ANKS3: variants seen among roughly 807,000 people sequenced by gnomAD.
ANKS3 encodes the protein ankyrin repeat and SAM domain-containing protein 3.
ANKS3 carries 62 observed loss-of-function variants against 80.7 expected under a neutral mutation model. The ratio of observed to expected loss-of-function variants is 0.77; its 90% CI spans 0.63 to 0.95. The LOEUF (loss-of-function observed/expected upper bound fraction) is 0.95, where lower values mean the gene tolerates loss of function less well. ANKS3 is among the 40% of genes least tolerant of loss of function. The probability of loss-of-function intolerance (pLI) is 0.00; values close to 1 mark genes in which losing one functional copy is unlikely to be tolerated. For missense variants in ANKS3, 1,150 were observed against 883.6 expected (o/e 1.30, Z -3.82); for synonymous variants, 489 against 355.3 (o/e 1.38, Z -4.23).
chr16:4,705,808 T>C (rs2080158120), intron 7 of ANKS3, among the ~76,000 whole-genome samples: 2 of 152,136 alleles, frequency 1.3e-5, no homozygotes, highest in Non-Finnish European at 2.9e-5. Flanking sequence ...CATAAGTCTG[T>C]ATTGTTCATA....
At chr16:4,703,264 C>T (rs929715127) in intron 8 of ANKS3, among the ~76,000 whole-genome samples, 5 of 152,112 alleles carry the variant, frequency 3.3e-5, no homozygotes, top group Non-Finnish European at 5.9e-5. Flanking sequence ...AGGCATGGGC[C>T]ACCATATCTG....
At chr16:4,715,996 G>C (rs1444403194) in intron 6 of ANKS3, among the ~76,000 whole-genome samples, 1 of 151,958 alleles carries the variant, frequency 6.6e-6, no homozygotes, top group South Asian at 2.1e-4. Context: ...AGCGCCTCCC[G>C]CCCATTTACG....
Position 4,696,748 on chromosome 16 carries a change from C to A in ANKS3, c.*160G>T, listed in dbSNP as rs1043186631. On this transcript the variant is annotated 3_prime_UTR_variant, in exon 18 of 18. Transcript: ENST00000304283. ...GAGCTGCCGAGCCAGGGCCGCAGCC[C>A]CCGTCTTGCCTCTGTCTGCCGGCTG... The A allele has an allele frequency of 3.9e-5, 21 of 532,620 alleles. No homozygotes were observed. The African/African-American group carries it at 4.0e-4, about 10-fold the overall frequency. The allele number at this position is 532,620 out of a possible 1,614,324, so 33.0% of individuals were successfully genotyped here. A position where few individuals can be genotyped will look rare whatever the true frequency, so the allele number is the denominator to read the frequency against.
At chr16:4,721,549 T>G (rs1412595599) in intron 6 of ANKS3, among the ~76,000 whole-genome samples, 3 of 151,436 alleles carry the variant, frequency 2.0e-5, no homozygotes, top group Non-Finnish European at 3.0e-5. Flanking sequence ...AGGTCAAGGC[T>G]GCAGTGAGCT....
In ANKS3 at chr16:4,699,120, C is replaced by A. The variant is rs1293025461; in HGVS notation, c.1341G>T (p.Glu447Asp). ...IGCLKYLQVF[E>D]EQDVDLRIFL... ...AGATGCGGAGGTCCACGTCCTGCTCCTCAAACACCTGCAGGTACTTCAGAC... is the reference window on the plus strand; with the variant it reads ...AGATGCGGAGGTCCACGTCCTGCTCATCAAACACCTGCAGGTACTTCAGAC... Residue 447 changes from glutamate (E) to aspartate (D), a missense_variant, in exon 12 of 18, where the codon GAG becomes GAT. By Grantham distance (45) the Glu-to-Asp change is conservative (BLOSUM62 2). Transcript: ENST00000304283. The A allele has an allele frequency of 6.2e-7, 1 of 1,614,186 alleles. No homozygotes were observed. The highest frequency in any genetic ancestry group is 8.5e-7 in the Non-Finnish European group (1 of 1,180,046).
At chr16:4,711,718 CA>C (rs34030042) in intron 7 of ANKS3, among the ~76,000 whole-genome samples, 1,870 of 56,796 alleles carry the variant, frequency 0.033, 20 homozygotes, top group African/African-American at 0.034. Flanking sequence ...AACTCTGTCT[CA>C]AAAAAAAAAA....
chr16:4,713,738 G>A (rs1440655546), intron 7 of ANKS3, among the ~76,000 whole-genome samples: 1 of 152,170 alleles, frequency 6.6e-6, no homozygotes, highest in Non-Finnish European at 1.5e-5. Flanking sequence ...ATAGAAGAAT[G>A]AACAAGCCAT....
Position 4,727,073 on chromosome 16 carries a change from C to T in ANKS3, c.275G>A (p.Gly92Glu). 6.2e-7 allele frequency: 1 copy of T among 1,614,186 alleles called. No homozygotes were observed. Among genetic ancestry groups the T allele is most frequent in the Non-Finnish European group, 8.5e-7 (1 of 1,180,044 alleles). Reference protein sequence around the residue: ...DTIVHLLLEAGVSVNVPTPEG... With the variant: ...DTIVHLLLEAEVSVNVPTPEG... The stretch of plus-strand genomic sequence containing the variant: ...TGGGGTCGGCACATTCACACTCACC[C>T]CCGCCTCAAGCAGCAGGTGCACGAT... Residue 92 changes from glycine (G) to glutamate (E), a missense_variant, in exon 4 of 18, where the codon GGG (glycine) becomes GAG (glutamate). Physicochemically the swap from Gly to Glu is moderately conservative, Grantham distance 98. Coordinates refer to ENST00000304283, the MANE Select transcript of ANKS3 (RefSeq NM_133450.4).
chr16:4,707,805 G>A (rs115513081), intron 7 of ANKS3, among the ~76,000 whole-genome samples: 19 of 152,126 alleles, frequency 1.2e-4, no homozygotes, highest in East Asian at 5.8e-4. Context: ...AGCAAAACAC[G>A]GAACACTAAA....
Position 4,729,459 on chromosome 16 carries a change from C to T in ANKS3, c.170+521G>A, listed in dbSNP as rs185070345. 289 of 152,436 alleles carry T rather than the reference C, an allele frequency of 1.9e-3. 1 individual carries two copies. Among genetic ancestry groups the T allele is most frequent in the Non-Finnish European group, 3.5e-3 (239 of 68,164 alleles). 9.4% of individuals were successfully genotyped at this position (152,436 alleles called of 1,614,324 possible). ...CACTGTAACCTCCACCTCCCGGGTT[C>T]AAGCGATTCTCCTGCCTCAGCCTCC... On this transcript the variant is annotated intron_variant, in intron 3 of 17. Coordinates refer to ENST00000304283, the MANE Select transcript of ANKS3 (RefSeq NM_133450.4).
In ANKS3 at chr16:4,724,762, A is replaced by C. The variant is rs772948547; in HGVS notation, c.561T>G (p.Tyr187Ter). 1 of 1,613,420 alleles carries C rather than the reference A, an allele frequency of 6.2e-7. No individual in the cohort carries two copies. ...AAAGHEIIVQ[Y>*]FLNHGVKVDA... ...CAGGGTCACTTACGTGATTCAGAAA[A>C]TACTGCACGATTATCTCATGGCCAG... Residue 187 changes from tyrosine (Y) to a stop codon, truncating the protein, a stop_gained, in exon 6 of 18, where the codon TAT becomes TAG. Transcript: ENST00000304283. LOFTEE classifies it high-confidence loss of function.
intron 6 of ANKS3, among the ~76,000 whole-genome samples, chr16:4,721,065 G>A (rs1235527563): frequency 2.0e-5 from 3 of 150,902 alleles, no homozygotes; most frequent in Non-Finnish European, 4.4e-5. Context: ...CAGCACTTTG[G>A]GAGGCCAAGG....
chr16:4,702,800 A>G lies in ANKS3; in HGVS notation c.869-558T>C, dbSNP rs138681078. Among the ~76,000 whole-genome samples, 652 of 152,230 alleles carry G rather than the reference A, an allele frequency of 4.3e-3. 2 individuals carry two copies. Among genetic ancestry groups the G allele is most frequent in the Non-Finnish European group, 6.9e-3 (472 of 67,996 alleles). ...TCTAAAACCAAGCAGAAAAAGGGGC[A>G]TGTATACCAGGCAATTTCACTCCAG... On this transcript the variant is annotated intron_variant, in intron 8 of 17. Coordinates refer to ENST00000304283, the MANE Select transcript of ANKS3 (RefSeq NM_133450.4).
In ANKS3 at chr16:4,731,524, G is replaced by T. The variant is rs948821598; in HGVS notation, c.-15C>A. On this transcript the variant is annotated 5_prime_UTR_variant, in exon 2 of 18. Coordinates refer to ENST00000304283, the MANE Select transcript of ANKS3 (RefSeq NM_133450.4). ...TCGAACTCCTCACCTCAGGTGATCC[G>T]CCCGCCTCAGCCTCTCAAAGTCCTG... is the stretch of plus-strand genomic sequence containing the variant. The T allele has an allele frequency of 1.8e-4, 105 of 595,502 alleles. No homozygotes were observed. The African/African-American group carries it at 2.0e-3, about 11-fold the overall frequency. The allele number at this position is 595,502 out of a possible 1,614,324, so 36.9% of individuals were successfully genotyped here.
intron 7 of ANKS3, among the ~76,000 whole-genome samples, chr16:4,707,754 A>T (rs569166156): frequency 6.6e-6 from 1 of 152,230 alleles, no homozygotes; most frequent in Non-Finnish European, 1.5e-5. Flanking sequence ...ACTCACAGAT[A>T]TGCTAAACTG....
intron 7 of ANKS3, among the ~76,000 whole-genome samples, chr16:4,711,982 T>C (rs537150002): frequency 2.0e-5 from 3 of 152,304 alleles, no homozygotes; most frequent in South Asian, 4.1e-4. Flanking sequence ...GCTACGTGTA[T>C]TGTCCTAGAA....
At chr16:4,719,236 T>G (rs1007975300) in intron 6 of ANKS3, among the ~76,000 whole-genome samples, 3 of 151,884 alleles carry the variant, frequency 2.0e-5, no homozygotes, top group African/African-American at 7.3e-5. Context: ...GGAGGCTGAG[T>G]TGCAAGGATC....
intron 7 of ANKS3, 106 bp downstream of exon 7, chr16:4,713,945 G>A (rs2080634325): frequency 6.8e-7 from 1 of 1,470,568 alleles, no homozygotes; most frequent in Non-Finnish European, 9.1e-7. Flanking sequence ...CCAAATCTCA[G>A]AGAAGGTGGG....
At chr16:4,710,700 AC>A (rs2080438637) in intron 7 of ANKS3, among the ~76,000 whole-genome samples, 1 of 152,154 alleles carries the variant, frequency 6.6e-6, no homozygotes, top group Non-Finnish European at 1.5e-5. Context: ...ACAAAGCAAG[AC>A]CCTGTCACAA....
Sources: gnomAD v4.1 joint callset for allele counts (sites outside exome capture counted in the v4.1 genomes callset) on GRCh38, gnomAD v4.1.1 for gene constraint, MANE v1.5 for transcripts, NCBI Gene and HGNC (gene_info 2026-07-23, HGNC 2026-07-21) for gene names.